Variants in VCAN observed in about 807,000 individuals in gnomAD.
The protein encoded by VCAN is versican core protein.
A neutral mutation model predicts 245.5 loss-of-function variants in VCAN; 44 were observed. The observed-to-expected ratio is 0.18, with a 90% CI of 0.14 to 0.23. VCAN has a LOEUF of 0.23. VCAN is among the 10% of genes least tolerant of loss of function. The pLI, the probability that VCAN is intolerant of heterozygous loss-of-function variation, is 1.00. For missense variants in VCAN, 3,793 were observed against 4,057.9 expected, an observed-to-expected ratio of 0.93 and a Z score of 1.77; for synonymous variants, 1,413 against 1,437.0, an observed-to-expected ratio of 0.98 and a Z score of 0.38.
chr5:83,491,282 C>T (rs1339735830), intron 3 of VCAN, among the ~76,000 whole-genome samples: 1 of 152,048 alleles, frequency 6.6e-6, no homozygotes, highest in Non-Finnish European at 1.5e-5. Flanking sequence ...ATTCTAATAC[C>T]CAGACATGAT....
chr5:83,493,526 G>T lies in VCAN; in HGVS notation c.446-20G>T. ...GGGAGATTTGAACAGGCTGGCAATTGTTTGCTGTTGTTTTTGCAGGGGTTG... is the reference window on the plus strand; with the variant it reads ...GGGAGATTTGAACAGGCTGGCAATTTTTTGCTGTTGTTTTTGCAGGGGTTG... On this transcript the variant is annotated intron_variant, in intron 3 of 14. Coordinates refer to ENST00000265077, the MANE Select transcript of VCAN (RefSeq NM_004385.5). The T allele has an allele frequency of 1.2e-6, 2 of 1,612,758 alleles. No individual in the cohort carries two copies. The highest frequency in any genetic ancestry group is 1.7e-6 in the Non-Finnish European group (2 of 1,180,004).
At chr5:83,533,631 A>C (rs915425229) in intron 7 of VCAN, among the ~76,000 whole-genome samples, 1 of 152,154 alleles carries the variant, frequency 6.6e-6, no homozygotes, top group Non-Finnish European at 1.5e-5. Context: ...ATATGAAGCA[A>C]TGCTGTGTTT....
At chr5:83,560,569 T>C (rs1331338773) in intron 12 of VCAN, among the ~76,000 whole-genome samples, 1 of 152,148 alleles carries the variant, frequency 6.6e-6, no homozygotes, top group African/African-American at 2.4e-5. Context: ...TATATTTATC[T>C]GTCAGTATAC....
intron 5 of VCAN, among the ~76,000 whole-genome samples, chr5:83,495,633 G>A (rs984795179): frequency 3.3e-5 from 5 of 152,154 alleles, no homozygotes; most frequent in East Asian, 1.9e-4. Context: ...TTTTGGTAAG[G>A]TGGGAATTTG....
Position 83,545,585 on chromosome 5 carries a change from A to G in VCAN, c.9314A>G (p.Tyr3105Cys), listed in dbSNP as rs2112457007. 1 of 1,614,184 alleles carries G rather than the reference A, an allele frequency of 6.2e-7. No homozygotes were observed. The highest frequency in any genetic ancestry group is 8.5e-7 in the Non-Finnish European group (1 of 1,180,002). ...MNPCLNGGTC[Y>C]PTETSYVCTC... ...CCGTGCCTTAACGGAGGCACCTGTT[A>G]TCCTACTGAAACTTCCTACGTATGC... The change falls in exon 9 of 15, where the codon TAT becomes TGT. Residue 3105 changes from tyrosine to cysteine, a missense_variant. Transcript: ENST00000265077.
Position 83,545,217 on chromosome 5 carries a change from T to C in VCAN, c.9266-320T>C. ...ACTGTGCACATATGTGTAATCATTT[T>C]TGACTAAAATCAATTGCCATTATCA... On this transcript the variant is annotated intron_variant, in intron 8 of 14. Coordinates refer to ENST00000265077, the MANE Select transcript of VCAN (RefSeq NM_004385.5). 2 of 436,876 alleles carry C rather than the reference T, an allele frequency of 4.6e-6. 1 individual carries two copies. The highest frequency in any genetic ancestry group is 4.5e-5 in the South Asian group (2 of 44,886). 27.1% of individuals were successfully genotyped at this position (436,876 alleles called of 1,614,324 possible).
At chr5:83,557,961 G>A (rs1043732858) in intron 12 of VCAN, among the ~76,000 whole-genome samples, 6 of 152,020 alleles carry the variant, frequency 3.9e-5, no homozygotes, top group African/African-American at 1.4e-4. Flanking sequence ...ACAGACCCTC[G>A]GTTTCTTCTT....
At position 83,539,420 on chromosome 5, in the gene VCAN, C is replaced by T. The variant is rs1221728449; in HGVS notation, c.6417C>T (p.Ile2139=). 1.9e-5 allele frequency: 30 copies of T among 1,613,748 alleles called. No individual in the cohort carries two copies. The highest frequency in any genetic ancestry group is 2.5e-5 in the Non-Finnish European group (30 of 1,179,882). ...PQNSPATEQT[I]FDSQTFTETE... Reference sequence around the variant, plus strand: ...ACTCTCCTGCAACAGAACAAACAATCTTTGATTCACAGACATTTACTGAAA... The same window carrying T: ...ACTCTCCTGCAACAGAACAAACAATTTTTGATTCACAGACATTTACTGAAA... The change falls in exon 8 of 15, where the codon ATC becomes ATT. Residue 2139 remains isoleucine (I), a synonymous_variant. Transcript: ENST00000265077.
chr5:83,546,473 G>A (rs1342860323), intron 9 of VCAN, among the ~76,000 whole-genome samples: 1 of 151,788 alleles, frequency 6.6e-6, no homozygotes. Context: ...AAAAGTCAAC[G>A]AGGCCAGCGC....
At position 83,512,472 on chromosome 5, in the gene VCAN, C is replaced by A. The variant is rs572240401; in HGVS notation, c.1042+76C>A. The A allele has an allele frequency of 5.9e-6, 9 of 1,514,132 alleles. No homozygotes were observed. The East Asian group carries it at 1.2e-4, about 19-fold the overall frequency. The allele number at this position is 1,514,132 out of a possible 1,614,324, so 93.8% of individuals were successfully genotyped here. A position where few individuals can be genotyped will look rare whatever the true frequency, so the allele number is the denominator to read the frequency against. On this transcript the variant is annotated intron_variant, in intron 6 of 14. Coordinates refer to ENST00000265077, the MANE Select transcript of VCAN (RefSeq NM_004385.5). ...GAAGCATGCATTGATGTTCAACTAGCCGTTGGAGTGGATTCCATGTCTTGC... is the reference window on the plus strand; with the variant it reads ...GAAGCATGCATTGATGTTCAACTAGACGTTGGAGTGGATTCCATGTCTTGC...
chr5:83,567,452 C>T (rs964710093), intron 12 of VCAN, among the ~76,000 whole-genome samples: 1 of 149,278 alleles, frequency 6.7e-6, no homozygotes, highest in Non-Finnish European at 1.5e-5. Context: ...AGGTGGCTGC[C>T]ACTACGTCCG....
chr5:83,579,936 A>T, intron 13 of VCAN, 44 bp from the exon 14 acceptor site: 3 of 1,600,594 alleles, frequency 1.9e-6, no homozygotes, highest in Non-Finnish European at 1.7e-6. Context: ...TATTAGTTGA[A>T]ATACTTAGAT....
At chr5:83,506,141 C>T (rs1047805470) in intron 5 of VCAN, among the ~76,000 whole-genome samples, 8 of 152,160 alleles carry the variant, frequency 5.3e-5, no homozygotes, top group African/African-American at 7.2e-5. Flanking sequence ...ATTTTATCCA[C>T]GGTCTTGGGG....
At chr5:83,557,398 G>A (rs1747715448) in intron 12 of VCAN, among the ~76,000 whole-genome samples, 5 of 152,060 alleles carry the variant, frequency 3.3e-5, no homozygotes, top group Admixed American at 3.3e-4. Context: ...GAAATAAAGT[G>A]TTATCCTTTA....
chr5:83,489,961 T>A (rs1283964285), intron 2 of VCAN, 137 bp from the exon 3 acceptor site: 16 of 848,234 alleles, frequency 1.9e-5, no homozygotes, highest in Middle Eastern at 5.9e-4. Context: ...ATTCTCTTTA[T>A]ATAAAGTCAT....
chr5:83,537,104 A>G lies in VCAN; in HGVS notation c.4101A>G (p.Leu1367=), dbSNP rs1746743862. 1.2e-6 allele frequency: 2 copies of G among 1,613,788 alleles called. No individual in the cohort carries two copies. The highest frequency in any genetic ancestry group is 1.3e-5 in the African/African-American group (1 of 74,912). ...CSEETDPVHD[L]MAEILPEFPD... Reference sequence around the variant, plus strand: ...AAGAAACAGATCCAGTGCATGATCTAATGGCTGAAATTTTACCTGAATTCC... The same window carrying G: ...AAGAAACAGATCCAGTGCATGATCTGATGGCTGAAATTTTACCTGAATTCC... Residue 1367 remains leucine (L), a synonymous_variant, in exon 8 of 15, where the codon CTA becomes CTG. Coordinates refer to ENST00000265077, the MANE Select transcript of VCAN (RefSeq NM_004385.5).
chr5:83,521,276 T>G lies in VCAN; in HGVS notation c.2970T>G (p.Val990=), dbSNP rs1458783708. 3 of 1,614,116 alleles carry G rather than the reference T, an allele frequency of 1.9e-6. No individual in the cohort carries two copies. Among genetic ancestry groups the G allele is most frequent in the Non-Finnish European group, 2.5e-6 (3 of 1,179,960 alleles). ...ACTGGGGAGTGTTAGTACCTTCTGT[T>G]CCATCAGAAGATGAAGTTCTAGGTG... is the stretch of plus-strand genomic sequence containing the variant. The part of the protein sequence containing the change: ...KTDWGVLVPS[V]PSEDEVLGEP... Residue 990 remains valine (V), a synonymous_variant, in exon 7 of 15, where the codon GTT becomes GTG. Coordinates refer to ENST00000265077, the MANE Select transcript of VCAN (RefSeq NM_004385.5).
intron 3 of VCAN, 102 bp from the exon 4 acceptor site, chr5:83,493,444 C>T: frequency 7.3e-7 from 1 of 1,375,582 alleles, no homozygotes; most frequent in Non-Finnish European, 1.0e-6. Flanking sequence ...GATATTATTA[C>T]TATGTATCCA....
rs2112446658 is a variant in VCAN, at chr5:83,540,170, A to G, written c.7167A>G (p.Ala2389=). The change falls in exon 8 of 15, where the codon GCA becomes GCG. Residue 2389 remains alanine (A), a synonymous_variant. Coordinates refer to ENST00000265077, the MANE Select transcript of VCAN (RefSeq NM_004385.5). The stretch of plus-strand genomic sequence containing the variant: ...ACTCTAACAAGAATTCTTCAACAGC[A>G]GAAATTAACGAAACAACAACCTCAT... ...EQDSNKNSST[A]EINETTTSST... 2 of 1,614,094 alleles carry G rather than the reference A, an allele frequency of 1.2e-6. No individual in the cohort carries two copies. The highest frequency in any genetic ancestry group is 8.5e-7 in the Non-Finnish European group (1 of 1,180,002).
Sources: gnomAD v4.1 joint callset for allele counts (sites outside exome capture counted in the v4.1 genomes callset) on GRCh38, gnomAD v4.1.1 for gene constraint, MANE v1.5 for transcripts, NCBI Gene and HGNC (gene_info 2026-07-23, HGNC 2026-07-21) for gene names.